Variants in ZRANB3 observed in about 807,000 individuals in gnomAD.
ZRANB3 encodes the protein DNA annealing helicase and endonuclease ZRANB3.
A neutral mutation model predicts 133.8 loss-of-function variants in ZRANB3; 125 were observed. The observed-to-expected ratio is 0.93, with a 90% CI of 0.81 to 1.08. The LOEUF (loss-of-function observed/expected upper bound fraction) is 1.08, where lower values mean the gene tolerates loss of function less well. ZRANB3 is among the 50% of genes least tolerant of loss of function. The pLI, the probability that ZRANB3 is intolerant of heterozygous loss-of-function variation, is 0.00. For missense variants in ZRANB3, 1,229 were observed against 1,275.5 expected, an observed-to-expected ratio of 0.96 and a Z score of 0.56; for synonymous variants, 387 against 432.7, an observed-to-expected ratio of 0.89 and a Z score of 1.31.
intron 8 of ZRANB3, among the ~76,000 whole-genome samples, chr2:135,292,910 T>G (rs1438685780): frequency 1.3e-5 from 2 of 151,884 alleles, no homozygotes; most frequent in Admixed American, 6.6e-5. Flanking sequence ...GCTGTAGATA[T>G]GCGGCATTAT....
At chr2:135,421,277 T>C (rs1464254422) in intron 2 of ZRANB3, among the ~76,000 whole-genome samples, 1 of 152,168 alleles carries the variant, frequency 6.6e-6, no homozygotes, top group Non-Finnish European at 1.5e-5. Flanking sequence ...ATTTGGCAAA[T>C]ACAATGGATT....
intron 12 of ZRANB3, among the ~76,000 whole-genome samples, chr2:135,248,930 T>C (rs931012469): frequency 6.6e-6 from 1 of 151,800 alleles, no homozygotes; most frequent in Admixed American, 6.6e-5. Flanking sequence ...CAAAAAAAAG[T>C]AGGCAAAGGA....
chr2:135,407,528 C>A (rs1688097337), intron 2 of ZRANB3, among the ~76,000 whole-genome samples: 1 of 146,172 alleles, frequency 6.8e-6, no homozygotes, highest in Non-Finnish European at 1.5e-5. Flanking sequence ...AATCCTAAGC[C>A]AAAAGAACAA....
At chr2:135,482,807 T>C (rs1691890601) in intron 2 of ZRANB3, among the ~76,000 whole-genome samples, 1 of 152,242 alleles carries the variant, frequency 6.6e-6, no homozygotes, top group Non-Finnish European at 1.5e-5. Context: ...ACCTAATTTA[T>C]TGAGAGTTTT....
chr2:135,486,161 T>C (rs1016413610), intron 2 of ZRANB3, among the ~76,000 whole-genome samples: 4 of 152,186 alleles, frequency 2.6e-5, no homozygotes, highest in Non-Finnish European at 5.9e-5. Context: ...ATCAATTGAC[T>C]CTTTCTTTCA....
intron 8 of ZRANB3, among the ~76,000 whole-genome samples, chr2:135,309,233 G>A (rs1399106840): frequency 6.6e-6 from 1 of 151,888 alleles, no homozygotes; most frequent in Non-Finnish European, 1.5e-5. Flanking sequence ...TGCCTGCCTC[G>A]GCTTCCCAAA....
chr2:135,239,500 GAAA>G lies in ZRANB3; in HGVS notation c.1540-8576_1540-8574del, dbSNP rs568454019. 3.9e-3 allele frequency among the ~76,000 whole-genome samples: 586 copies of G among 152,030 alleles called. 4 individuals are homozygous for G. Among genetic ancestry groups the G allele is most frequent in the African/African-American group, 0.014 (570 of 41,466 alleles). The stretch of plus-strand genomic sequence containing the variant: ...TAAAATTAAAACATGTTATCATAGG[GAAA>G]AAGCTCTCTCCCCTGCTCCACTACT... On this transcript the variant is annotated intron_variant, in intron 12 of 20. Coordinates refer to ENST00000264159, the MANE Select transcript of ZRANB3 (RefSeq NM_032143.4).
intron 2 of ZRANB3, among the ~76,000 whole-genome samples, chr2:135,405,998 C>A (rs6430573): frequency 0.18 from 27,993 of 151,814 alleles, 3,391 homozygotes; most frequent in South Asian, 0.33. Context: ...CATAGACACA[C>A]AAAAAACCCT....
chr2:135,278,980 C>T (rs1263305426), intron 8 of ZRANB3, among the ~76,000 whole-genome samples: 1 of 151,704 alleles, frequency 6.6e-6, no homozygotes, highest in Non-Finnish European at 1.5e-5. Flanking sequence ...TTTAATCTTC[C>T]GTATTAAGAA....
intron 2 of ZRANB3, among the ~76,000 whole-genome samples, chr2:135,493,126 T>C (rs1175572050): frequency 4.1e-5 from 1 of 24,622 alleles, no homozygotes; most frequent in African/African-American, 3.0e-4. Context: ...TATATATATA[T>C]ATATATATAT....
intron 6 of ZRANB3, among the ~76,000 whole-genome samples, chr2:135,316,256 T>C (rs748166058): frequency 1.3e-5 from 2 of 152,218 alleles, no homozygotes; most frequent in African/African-American, 2.4e-5. Context: ...AGTTATTCTC[T>C]AGACCTTTCA....
At chr2:135,332,376 C>T (rs1573925957) in intron 6 of ZRANB3, among the ~76,000 whole-genome samples, 1 of 152,192 alleles carries the variant, frequency 6.6e-6, no homozygotes, top group African/African-American at 2.4e-5. Flanking sequence ...TAGGGCTTCT[C>T]GTTTTCAAAT....
intron 2 of ZRANB3, among the ~76,000 whole-genome samples, chr2:135,502,534 A>G (rs559629137): frequency 6.6e-6 from 1 of 152,354 alleles, no homozygotes; most frequent in South Asian, 2.1e-4. Flanking sequence ...AATCTGAAGT[A>G]TGAATTGTTA....
chr2:135,504,198 G>C (rs1012271068), intron 2 of ZRANB3, 131 bp downstream of exon 2: 10 of 1,043,034 alleles, frequency 9.6e-6, no homozygotes, highest in Non-Finnish European at 1.5e-5. Flanking sequence ...AATGGATAAA[G>C]CTAACTTGGT....
In ZRANB3 at chr2:135,392,314, T is replaced by TAAAAC. The variant is rs529667495; in HGVS notation, c.162-1499_162-1495dup. On this transcript the variant is annotated intron_variant, in intron 2 of 20. Coordinates refer to ENST00000264159, the MANE Select transcript of ZRANB3 (RefSeq NM_032143.4). ...GGACAACAAAGGGAGACCCTATCTC[T>TAAAAC]AAAACAAAACAAAACAAAATGAAAA... Among the ~76,000 whole-genome samples, 275 of 78,290 alleles carry TAAAAC rather than the reference T, an allele frequency of 3.5e-3. 2 individuals are homozygous for TAAAAC. The highest frequency in any genetic ancestry group is 0.015 in the African/African-American group (258 of 17,292). The allele number at this position is 78,290 out of a possible 152,430, so 51.4% of individuals were successfully genotyped here.
chr2:135,430,834 A>T (rs1374002947), intron 2 of ZRANB3, among the ~76,000 whole-genome samples: 1 of 152,206 alleles, frequency 6.6e-6, no homozygotes, highest in East Asian at 1.9e-4. Flanking sequence ...ATTTCAACAA[A>T]CGGTGACAGA....
intron 2 of ZRANB3, among the ~76,000 whole-genome samples, chr2:135,414,648 T>A (rs1023246429): frequency 6.6e-6 from 1 of 152,102 alleles, no homozygotes; most frequent in Non-Finnish European, 1.5e-5. Flanking sequence ...CAACAGAATA[T>A]ACATTTTTTT....
At chr2:135,387,140 T>C (rs2104920923) in intron 3 of ZRANB3, among the ~76,000 whole-genome samples, 1 of 151,824 alleles carries the variant, frequency 6.6e-6, no homozygotes, top group South Asian at 2.1e-4. Context: ...TCCAAGTGAG[T>C]ATTCAAGAGT....
At chr2:135,204,650 AAT>A (rs1553454876) in intron 19 of ZRANB3, among the ~76,000 whole-genome samples, 59 of 141,750 alleles carry the variant, frequency 4.2e-4, no homozygotes, top group African/African-American at 1.3e-3. Flanking sequence ...AAAAAAAAAA[AAT>A]ATATATATAT....
Sources: allele counts gnomAD v4.1 joint callset (sites outside exome capture counted in the v4.1 genomes callset), GRCh38; gene constraint gnomAD v4.1.1; transcripts MANE v1.5; gene names NCBI Gene and HGNC (gene_info 2026-07-23, HGNC 2026-07-21).